Variants in SERPINA6 observed in about 807,000 individuals in gnomAD.
SERPINA6 encodes the protein corticosteroid-binding globulin.
SERPINA6 carries 19 observed loss-of-function variants against 26.4 expected under a neutral mutation model. The observed-to-expected ratio is 0.72, with a 90% CI of 0.50 to 1.06. The LOEUF (loss-of-function observed/expected upper bound fraction) is 1.06, where lower values mean the gene tolerates loss of function less well. SERPINA6 is among the 50% of genes least tolerant of loss of function. SERPINA6 has a pLI of 0.00. For synonymous variants in SERPINA6, 196 were observed against 199.4 expected (o/e 0.98, Z 0.14); for missense variants, 473 against 504.0 (o/e 0.94, Z 0.59).
intron 3 of SERPINA6, among the ~76,000 whole-genome samples, chr14:94,309,302 A>G (rs1391957147): frequency 1.4e-5 from 1 of 71,766 alleles, no homozygotes; most frequent in Non-Finnish European, 3.2e-5. Context: ...CATTGGCTCC[A>G]TGATGTATAC....
In SERPINA6 at chr14:94,314,139, G is replaced by T. The variant is rs747165750; in HGVS notation, c.510C>A (p.Ile170=). 6.2e-7 allele frequency: 1 copy of T among 1,614,180 alleles called. No individual in the cohort carries two copies. Among genetic ancestry groups the T allele is most frequent in the East Asian group, 2.2e-5 (1 of 44,882 alleles). ...GTGTCTTATTCTTGACATAGCTGTT[G>T]ATCTGTCTGCTGGCTGTTGCCCAGT... is the stretch of plus-strand genomic sequence containing the variant. ...FQDWATASRQ[I]NSYVKNKTQG... Residue 170 remains isoleucine, a synonymous_variant, in exon 2 of 5, where the codon ATC becomes ATA. Transcript: ENST00000341584.
chr14:94,314,141 T>C lies in SERPINA6; in HGVS notation c.508A>G (p.Ile170Val). The stretch of plus-strand genomic sequence containing the variant: ...GTCTTATTCTTGACATAGCTGTTGA[T>C]CTGTCTGCTGGCTGTTGCCCAGTCC... Reference protein sequence around the residue: ...FQDWATASRQINSYVKNKTQG... With the variant: ...FQDWATASRQVNSYVKNKTQG... Residue 170 changes from isoleucine (I) to valine (V), a missense_variant, in exon 2 of 5, where the codon ATC (isoleucine) becomes GTC (valine). Physicochemically the swap from Ile to Val is conservative, Grantham distance 29 (BLOSUM62 3). Transcript: ENST00000341584. 1 of 1,614,206 alleles carries C rather than the reference T, an allele frequency of 6.2e-7. No individual in the cohort carries two copies. Among genetic ancestry groups the C allele is most frequent in the Non-Finnish European group, 8.5e-7 (1 of 1,180,036 alleles).
At position 94,309,886 on chromosome 14, in the gene SERPINA6, T is replaced by A; in HGVS notation, c.734A>T (p.Asp245Val). ...LQSSTISYLH[D>V]SELPCQLVQM... ...CACCAGCTGGCAGGGGAGCTCCGAG[T>A]CATGAAGGTAACTGATGGTGCTCGA... is the stretch of plus-strand genomic sequence containing the variant. The change falls in exon 3 of 5, where the codon GAC becomes GTC. Residue 245 changes from aspartate (D) to valine (V), a missense_variant. Coordinates refer to ENST00000341584, the MANE Select transcript of SERPINA6 (RefSeq NM_001756.4). The A allele has an allele frequency of 6.2e-7, 1 of 1,614,104 alleles. No individual in the cohort carries two copies. The highest frequency in any genetic ancestry group is 8.5e-7 in the Non-Finnish European group (1 of 1,179,996).
At position 94,311,353 on chromosome 14, in the gene SERPINA6, A is replaced by G. The variant is rs541474368; in HGVS notation, c.614-1347T>C. ...TACAGCAAAAAAACAAAGTGGGTAA[A>G]ATATTTTTCATTGTTAGGTTTTTTT... On this transcript the variant is annotated intron_variant, in intron 2 of 4. Transcript: ENST00000341584. Among the ~76,000 whole-genome samples the G allele has an allele frequency of 3.3e-5, 5 of 152,340 alleles. No individual in the cohort carries two copies. In the South Asian group the frequency reaches 8.3e-4, roughly 25 times the overall value.
chr14:94,320,121 A>G (rs1895663959), intron 1 of SERPINA6, among the ~76,000 whole-genome samples: 1 of 152,208 alleles, frequency 6.6e-6, no homozygotes, highest in African/African-American at 2.4e-5. Flanking sequence ...CTGTATCACA[A>G]TAAATACAGG....
chr14:94,323,089 T>C (rs1400745657), intron 1 of SERPINA6, among the ~76,000 whole-genome samples, 178 bp downstream of exon 1: 1 of 152,160 alleles, frequency 6.6e-6, no homozygotes, highest in Non-Finnish European at 1.5e-5. Context: ...ACTCACAGAC[T>C]CCGGGGTCTG....
At chr14:94,313,980 G>T in intron 2 of SERPINA6, 56 bp downstream of exon 2, 1 of 1,596,330 alleles carries the variant, frequency 6.3e-7, no homozygotes, top group African/African-American at 1.3e-5. Flanking sequence ...GGATTTTAGC[G>T]GCTGTTATTC....
At chr14:94,314,789 GTGACC>G in intron 1 of SERPINA6, 122 bp from the exon 2 acceptor site, 1 of 879,688 alleles carries the variant, frequency 1.1e-6, no homozygotes, top group Non-Finnish European at 1.8e-6. Context: ...CACTGGCTGT[GTGACC>G]TGGAGCACAT....
At chr14:94,312,554 G>A (rs74918335) in intron 2 of SERPINA6, among the ~76,000 whole-genome samples, 1,954 of 152,342 alleles carry the variant, frequency 0.013, 43 homozygotes, top group African/African-American at 0.044. Context: ...ATTTGTGGGA[G>A]CACACAGAAG....
rs1895402075 is a variant in SERPINA6, at chr14:94,304,334, G to A, written c.*84C>T. On this transcript the variant is annotated 3_prime_UTR_variant, in exon 5 of 5. Coordinates refer to ENST00000341584, the MANE Select transcript of SERPINA6 (RefSeq NM_001756.4). ...GAGAAGAACTTGGAGGAGATTGGGG[G>A]AAACCTCCCGCTCTCCAAAACATTT... 1 of 1,394,208 alleles carries A rather than the reference G, an allele frequency of 7.2e-7. No individual in the cohort carries two copies. Among genetic ancestry groups the A allele is most frequent in the Non-Finnish European group, 1.0e-6 (1 of 980,400 alleles). 86.4% of individuals were successfully genotyped at this position (1,394,208 alleles called of 1,614,324 possible). A position where few individuals can be genotyped will look rare whatever the true frequency, so the allele number is the denominator to read the frequency against.
At chr14:94,318,183 T>A (rs1422484856) in intron 1 of SERPINA6, among the ~76,000 whole-genome samples, 1 of 152,088 alleles carries the variant, frequency 6.6e-6, no homozygotes, top group Admixed American at 6.5e-5. Context: ...AAAGAGGACA[T>A]AAATAAATGG....
chr14:94,316,001 A>T (rs576161871), intron 1 of SERPINA6, among the ~76,000 whole-genome samples: 21 of 152,316 alleles, frequency 1.4e-4, no homozygotes, highest in African/African-American at 5.1e-4. Context: ...TAATGTGTTT[A>T]CAGCTTTACA....
At chr14:94,313,304 A>G (rs1239919725) in intron 2 of SERPINA6, among the ~76,000 whole-genome samples, 1 of 152,246 alleles carries the variant, frequency 6.6e-6, no homozygotes, top group Non-Finnish European at 1.5e-5. Flanking sequence ...TTTCATGTCC[A>G]GGGGGAATTA....
Position 94,311,804 on chromosome 14 carries a change from C to T in SERPINA6, c.614-1798G>A, listed in dbSNP as rs10144374. On this transcript the variant is annotated intron_variant, in intron 2 of 4. Transcript: ENST00000341584. ...AATACAAAAAAATAAAAAAATTAGC[C>T]GGGTGTCATGGCAGGTGCCTGTAGT... 2.5e-3 allele frequency among the ~76,000 whole-genome samples: 382 copies of T among 151,974 alleles called. 2 individuals are homozygous for T. The highest frequency in any genetic ancestry group is 8.9e-3 in the African/African-American group (367 of 41,460).
At chr14:94,306,999 C>A (rs1430859064) in intron 3 of SERPINA6, among the ~76,000 whole-genome samples, 3 of 152,164 alleles carry the variant, frequency 2.0e-5, no homozygotes, top group African/African-American at 7.2e-5. Context: ...GGCACGAGAC[C>A]CTCTCCTCAC....
rs556698753 is a variant in SERPINA6, at chr14:94,305,079, G to A, written c.1033-476C>T. ...CTTGTTGTGATCAAAATTAGGAGGAGTTCTGAAGTCAGCAAAACGTCTGCC... is the reference window on the plus strand; with the variant it reads ...CTTGTTGTGATCAAAATTAGGAGGAATTCTGAAGTCAGCAAAACGTCTGCC... On this transcript the variant is annotated intron_variant, in intron 4 of 4. Coordinates refer to ENST00000341584, the MANE Select transcript of SERPINA6 (RefSeq NM_001756.4). Among the ~76,000 whole-genome samples the A allele has an allele frequency of 4.6e-5, 7 of 152,280 alleles. No homozygotes were observed. In the East Asian group the frequency reaches 1.3e-3, roughly 29 times the overall value.
chr14:94,321,608 C>T (rs1172913152), intron 1 of SERPINA6, among the ~76,000 whole-genome samples: 2 of 152,192 alleles, frequency 1.3e-5, no homozygotes, highest in African/African-American at 4.8e-5. Flanking sequence ...CTGAGCCCAG[C>T]TCTGGACTGG....
chr14:94,315,256 G>A (rs1895597852), intron 1 of SERPINA6, among the ~76,000 whole-genome samples: 1 of 145,390 alleles, frequency 6.9e-6, no homozygotes, highest in African/African-American at 2.6e-5. Flanking sequence ...CACATGATGT[G>A]TAGATATAAT....
intron 4 of SERPINA6, among the ~76,000 whole-genome samples, chr14:94,304,896 G>A (rs151336835): frequency 1.3e-3 from 201 of 152,236 alleles, no homozygotes; most frequent in Non-Finnish European, 8.5e-4. Context: ...CATGTTGGGC[G>A]CTTCTTACCA....
Sources: gnomAD v4.1 joint callset for allele counts (sites outside exome capture counted in the v4.1 genomes callset) on GRCh38, gnomAD v4.1.1 for gene constraint, MANE v1.5 for transcripts, NCBI Gene and HGNC (gene_info 2026-07-23, HGNC 2026-07-21) for gene names.